The following IDE variants were observed in gnomAD, a reference collection of about 807,000 sequenced individuals.
The protein encoded by IDE is insulin degrading enzyme, also known as insulin-degrading enzyme.
In IDE, 58 loss-of-function variants were observed where a neutral mutation model predicts 133.2. The observed-to-expected ratio is 0.44, with a 90% confidence interval of 0.35 to 0.54. IDE has a LOEUF of 0.54. Among genes scored for constraint, IDE ranks in the 20% least tolerant of loss-of-function variants. The pLI is 0.00. For synonymous variants in IDE, 396 were observed against 421.3 expected (o/e 0.94, Z 0.73); for missense variants, 981 against 1,234.0 (o/e 0.79, Z 3.07).
At chr10:92,484,942 C>T (rs774919096) in intron 13 of IDE, among the ~76,000 whole-genome samples, 28 of 151,642 alleles carry the variant, frequency 1.8e-4, no homozygotes, top group African/African-American at 2.9e-4. Context: ...TGTAGTCCTA[C>T]GTACACAAGA....
At chr10:92,563,647 A>G (rs950923143) in intron 1 of IDE, among the ~76,000 whole-genome samples, 3 of 151,966 alleles carry the variant, frequency 2.0e-5, no homozygotes, top group South Asian at 2.1e-4. Context: ...ACTACTTGGG[A>G]GGCTGAGGCA....
At chr10:92,499,679 T>G (rs1156530764) in intron 11 of IDE, among the ~76,000 whole-genome samples, 4 of 152,148 alleles carry the variant, frequency 2.6e-5, no homozygotes, top group Non-Finnish European at 5.9e-5. Context: ...CAATCCTCCC[T>G]CTATGCCTCC....
intron 13 of IDE, among the ~76,000 whole-genome samples, chr10:92,486,561 A>G (rs1353487223): frequency 6.6e-6 from 1 of 151,748 alleles, no homozygotes; most frequent in Non-Finnish European, 1.5e-5. Flanking sequence ...AGGGAGAAGA[A>G]ATACGTTTAG....
chr10:92,482,925 C>T (rs535093661), intron 14 of IDE, among the ~76,000 whole-genome samples: 1 of 152,122 alleles, frequency 6.6e-6, no homozygotes, highest in South Asian at 2.1e-4. Context: ...GGACTACAGG[C>T]ACCCACCACC....
At position 92,479,610 on chromosome 10, in the gene IDE, AGTGT is replaced by A. The variant is rs3831274; in HGVS notation, c.1740-193_1740-190del. Reference sequence around the variant, plus strand: ...GAAAAAGAAGCCTGAAGTGTGTGTGAGTGTGTGTGTGTGTGTGTGCATGCGTGCG... The same window carrying A: ...GAAAAAGAAGCCTGAAGTGTGTGTGAGTGTGTGTGTGTGTGCATGCGTGCG... On this transcript the variant is annotated intron_variant, in intron 14 of 24. Coordinates refer to ENST00000265986, the MANE Select transcript of IDE (RefSeq NM_004969.4). 2,002 of 462,888 alleles carry A rather than the reference AGTGT, an allele frequency of 4.3e-3. 1 individual carries two copies. The highest frequency in any genetic ancestry group is 0.013 in the East Asian group (335 of 26,316). The allele number at this position is 462,888 out of a possible 1,614,324, so 28.7% of individuals were successfully genotyped here. A position where few individuals can be genotyped will look rare whatever the true frequency, so the allele number is the denominator to read the frequency against.
chr10:92,466,683 T>TCTCGGCTCACTGCAAC (rs1374904542), intron 19 of IDE, among the ~76,000 whole-genome samples: 9 of 149,942 alleles, frequency 6.0e-5, no homozygotes, highest in Non-Finnish European at 1.3e-4. Flanking sequence ...AGTGGTGCAA[T>TCTCGGCTCACTGCAAC]CTCGGCTCAC....
chr10:92,567,939 C>T (rs56085207), intron 1 of IDE, among the ~76,000 whole-genome samples: 9,781 of 152,148 alleles, frequency 0.064, 1,085 homozygotes, highest in African/African-American at 0.22. Flanking sequence ...CCACTGCACT[C>T]CAGCCTGGGT....
intron 24 of IDE, among the ~76,000 whole-genome samples, chr10:92,455,199 G>A (rs943550293): frequency 6.6e-6 from 1 of 152,100 alleles, no homozygotes; most frequent in Non-Finnish European, 1.5e-5. Flanking sequence ...CTTCTGGCCG[G>A]GCACAGTGTC....
intron 11 of IDE, among the ~76,000 whole-genome samples, chr10:92,503,188 T>G (rs1306527412): frequency 6.6e-6 from 1 of 152,128 alleles, no homozygotes; most frequent in Non-Finnish European, 1.5e-5. Flanking sequence ...ATCCCAGCAC[T>G]TTGTGGGGCT....
intron 5 of IDE, among the ~76,000 whole-genome samples, chr10:92,510,643 CATATATG>C (rs1412084462): frequency 6.6e-6 from 1 of 151,174 alleles, no homozygotes; most frequent in Non-Finnish European, 1.5e-5. Context: ...ATATATATCA[CATATATG>C]ATATATATCA....
At chr10:92,466,679 G>A (rs1589371197) in intron 19 of IDE, among the ~76,000 whole-genome samples, 1 of 149,000 alleles carries the variant, frequency 6.7e-6, no homozygotes, top group South Asian at 2.1e-4. Context: ...GTGCAGTGGT[G>A]CAATCTCGGC....
rs534424646 is a variant in IDE, at chr10:92,496,064, G to A, written c.1431-5469C>T. Among the ~76,000 whole-genome samples, 132 of 151,844 alleles carry A rather than the reference G, an allele frequency of 8.7e-4. 1 individual carries two copies. Among genetic ancestry groups the A allele is most frequent in the African/African-American group, 2.6e-3 (109 of 41,436 alleles). ...TAATTTTTGTATTTTTAGTAGAGAT[G>A]GGGTTTCACCATGTTGGTCAGGCTG... is the stretch of plus-strand genomic sequence containing the variant. On this transcript the variant is annotated intron_variant, in intron 11 of 24. Transcript: ENST00000265986.
chr10:92,494,733 G>A (rs1030420003), intron 11 of IDE, among the ~76,000 whole-genome samples: 2 of 152,168 alleles, frequency 1.3e-5, no homozygotes, highest in African/African-American at 2.4e-5. Flanking sequence ...TGCAGCTGTC[G>A]AAGCTGGATG....
intron 4 of IDE, among the ~76,000 whole-genome samples, chr10:92,521,112 T>G (rs1458048707): frequency 1.3e-5 from 2 of 151,994 alleles, no homozygotes; most frequent in African/African-American, 2.4e-5. Context: ...AGCCAAATAG[T>G]AGAAAAGGAG....
rs569618418 is a variant in IDE, at chr10:92,490,763, G to C, written c.1431-168C>G. On this transcript the variant is annotated intron_variant, in intron 11 of 24. Coordinates refer to ENST00000265986, the MANE Select transcript of IDE (RefSeq NM_004969.4). ...TCCAAACAAGCAATACATGAATAGA[G>C]GTTTCTGATCATAGTCCCTGTTATC... is the stretch of plus-strand genomic sequence containing the variant. Among the ~76,000 whole-genome samples the C allele has an allele frequency of 2.0e-5, 3 of 152,222 alleles. No homozygotes were observed. In the East Asian group the frequency reaches 5.8e-4, roughly 29 times the overall value.
At chr10:92,533,407 A>C (rs1266646735) in intron 3 of IDE, among the ~76,000 whole-genome samples, 1 of 152,222 alleles carries the variant, frequency 6.6e-6, no homozygotes, top group Non-Finnish European at 1.5e-5. Flanking sequence ...TTGGCCCAGC[A>C]CATCTCATAA....
At chr10:92,542,701 C>T (rs1842365512) in intron 1 of IDE, among the ~76,000 whole-genome samples, 1 of 152,108 alleles carries the variant, frequency 6.6e-6, no homozygotes, top group Non-Finnish European at 1.5e-5. Flanking sequence ...AGGGGACAAT[C>T]AATCAAAGTA....
At chr10:92,479,634 C>CGTGCGTGT (rs1217606387) in intron 14 of IDE, 2 of 460,656 alleles carry the variant, frequency 4.3e-6, no homozygotes, top group South Asian at 6.6e-5. Context: ...TGTGTGCATG[C>CGTGCGTGT]GTGCGTGTGT....
At chr10:92,516,256 G>A (rs1159285287) in intron 4 of IDE, among the ~76,000 whole-genome samples, 1 of 152,024 alleles carries the variant, frequency 6.6e-6, no homozygotes, top group Non-Finnish European at 1.5e-5. Flanking sequence ...CACTTTGGGA[G>A]GCCAAGATGG....
Sources: allele counts gnomAD v4.1 joint callset (sites outside exome capture counted in the v4.1 genomes callset), GRCh38; gene constraint gnomAD v4.1.1; transcripts MANE v1.5; gene names NCBI Gene and HGNC (gene_info 2026-07-23, HGNC 2026-07-21).